Variants in PLXDC1 observed in about 807,000 individuals in gnomAD.
PLXDC1 encodes the protein plexin domain-containing protein 1.
A neutral mutation model predicts 61.3 loss-of-function variants in PLXDC1; 39 were observed. The observed-to-expected ratio is 0.64, with a 90% CI of 0.49 to 0.83. The LOEUF is 0.83. Ranked by LOEUF, PLXDC1 falls within the 40% of genes least tolerant of loss-of-function variation. The probability of loss-of-function intolerance (pLI) is 0.00; values close to 1 mark genes in which losing one functional copy is unlikely to be tolerated. For missense variants in PLXDC1, 596 were observed against 666.5 expected (o/e 0.89, Z 1.17); for synonymous variants, 212 against 254.5 (o/e 0.83, Z 1.59).
intron 7 of PLXDC1, among the ~76,000 whole-genome samples, chr17:39,090,279 A>C (rs1173956395): frequency 6.6e-6 from 1 of 152,142 alleles, no homozygotes; most frequent in Non-Finnish European, 1.5e-5. Flanking sequence ...CAGTGAAAAG[A>C]AGACTACTCT....
At chr17:39,099,424 A>C (rs1295030408) in intron 7 of PLXDC1, among the ~76,000 whole-genome samples, 1 of 152,140 alleles carries the variant, frequency 6.6e-6, no homozygotes, top group African/African-American at 2.4e-5. Context: ...GATGAAACAG[A>C]CACATCCCTG....
At chr17:39,077,845 G>A (rs1375604106) in intron 11 of PLXDC1, 68 bp downstream of exon 11, 5 of 1,544,354 alleles carry the variant, frequency 3.2e-6, no homozygotes, top group Non-Finnish European at 3.6e-6. Context: ...CAGAGAGGGG[G>A]CCCCAGAGGG....
intron 7 of PLXDC1, among the ~76,000 whole-genome samples, chr17:39,092,697 A>T (rs913122559): frequency 6.6e-6 from 1 of 151,288 alleles, no homozygotes; most frequent in African/African-American, 2.4e-5. Flanking sequence ...AAAGCCACAC[A>T]GTCTTTGTTT....
intron 2 of PLXDC1, among the ~76,000 whole-genome samples, chr17:39,126,528 A>G (rs1175216425): frequency 2.0e-5 from 3 of 152,224 alleles, no homozygotes; most frequent in Non-Finnish European, 2.9e-5. Context: ...TATGTAATAC[A>G]TACATTTAAA....
intron 2 of PLXDC1, among the ~76,000 whole-genome samples, chr17:39,120,271 C>T (rs543961433): frequency 3.2e-4 from 49 of 152,300 alleles, no homozygotes; most frequent in Non-Finnish European, 6.6e-4. Flanking sequence ...CCTGCCTCAG[C>T]CTCCCAAGTA....
intron 2 of PLXDC1, among the ~76,000 whole-genome samples, chr17:39,113,670 G>C (rs72823311): frequency 6.6e-6 from 1 of 151,998 alleles, no homozygotes. Context: ...GTGAGACCCT[G>C]TCTCTACAAA....
At position 39,100,720 on chromosome 17, in the gene PLXDC1, C is replaced by T. The variant is rs538882276; in HGVS notation, c.811+5134G>A. On this transcript the variant is annotated intron_variant, in intron 7 of 13. Transcript: ENST00000315392. Reference sequence around the variant, plus strand: ...ATACAGCTGTAGCTAACTAATGCAACCAGGTGATACGGAGATGATTTAACA... The same window carrying T: ...ATACAGCTGTAGCTAACTAATGCAATCAGGTGATACGGAGATGATTTAACA... Among the ~76,000 whole-genome samples, 184 of 152,346 alleles carry T rather than the reference C, an allele frequency of 1.2e-3. 2 individuals are homozygous for T. The highest frequency in any genetic ancestry group is 0.012 in the South Asian group (57 of 4,832).
chr17:39,073,551 C>T (rs145380988), intron 11 of PLXDC1, among the ~76,000 whole-genome samples: 1 of 152,360 alleles, frequency 6.6e-6, no homozygotes, highest in East Asian at 1.9e-4. Context: ...GCCAGTCCCT[C>T]CCAGAGTGAC....
At chr17:39,077,511 G>A (rs2083506763) in intron 11 of PLXDC1, among the ~76,000 whole-genome samples, 1 of 152,188 alleles carries the variant, frequency 6.6e-6, no homozygotes, top group East Asian at 1.9e-4. Flanking sequence ...TTTCTCTCAC[G>A]CCTGAGTGTA....
intron 2 of PLXDC1, among the ~76,000 whole-genome samples, chr17:39,110,272 C>T (rs957625301): frequency 3.6e-4 from 54 of 152,086 alleles, no homozygotes; most frequent in African/African-American, 1.3e-3. Context: ...ATACAGAACC[C>T]AGAGTCCACA....
At chr17:39,083,240 T>C (rs548797871) in intron 9 of PLXDC1, among the ~76,000 whole-genome samples, 1 of 152,286 alleles carries the variant, frequency 6.6e-6, no homozygotes, top group African/African-American at 2.4e-5. Context: ...ATGAACCCTC[T>C]CCTCCTGGGT....
intron 2 of PLXDC1, among the ~76,000 whole-genome samples, chr17:39,129,650 AG>A (rs1911473479): frequency 7.1e-6 from 1 of 140,270 alleles, no homozygotes; most frequent in Non-Finnish European, 1.6e-5. Flanking sequence ...AGAGAGAGAG[AG>A]AGAGAGAAAG....
chr17:39,092,743 G>C (rs1307447997), intron 7 of PLXDC1, among the ~76,000 whole-genome samples: 1 of 152,206 alleles, frequency 6.6e-6, no homozygotes, highest in African/African-American at 2.4e-5. Flanking sequence ...AAACCTCAGG[G>C]CTGGAAGCCA....
At chr17:39,131,245 C>T (rs781710024) in intron 2 of PLXDC1, among the ~76,000 whole-genome samples, 2 of 152,134 alleles carry the variant, frequency 1.3e-5, no homozygotes, top group East Asian at 1.9e-4. Flanking sequence ...GGACCAAGAT[C>T]GAGGGCCAGG....
chr17:39,095,649 G>A (rs1170663949), intron 7 of PLXDC1, among the ~76,000 whole-genome samples: 1 of 151,758 alleles, frequency 6.6e-6, no homozygotes, highest in Non-Finnish European at 1.5e-5. Context: ...TTTTGGCGGG[G>A]GGGTTGTTTT....
chr17:39,094,617 A>T (rs1284149834), intron 7 of PLXDC1, among the ~76,000 whole-genome samples: 1 of 152,136 alleles, frequency 6.6e-6, no homozygotes, highest in African/African-American at 2.4e-5. Context: ...CTCCGCTAAG[A>T]CAGAGTCTGC....
In PLXDC1 at chr17:39,141,348, G is replaced by C. The variant is rs187463060; in HGVS notation, c.77-1516C>G. Among the ~76,000 whole-genome samples the C allele has an allele frequency of 6.3e-3, 952 of 152,258 alleles. 6 individuals are homozygous for C. The highest frequency in any genetic ancestry group is 0.022 in the African/African-American group (910 of 41,544). On this transcript the variant is annotated intron_variant, in intron 1 of 13. Transcript: ENST00000315392. ...GCGCGCAGCCTGTATCTATGATTTT[G>C]ACTACTCTAAGTATCTCATATAAAT...
intron 2 of PLXDC1, among the ~76,000 whole-genome samples, chr17:39,111,296 T>C (rs891326886): frequency 1.3e-5 from 2 of 151,140 alleles, no homozygotes; most frequent in East Asian, 1.9e-4. Flanking sequence ...TGCCTTCTTT[T>C]ATTGTTGAGA....
chr17:39,120,651 C>A (rs1330718226), intron 2 of PLXDC1, among the ~76,000 whole-genome samples: 1 of 137,358 alleles, frequency 7.3e-6, no homozygotes, highest in Non-Finnish European at 1.5e-5. Context: ...CTTGCCTGAT[C>A]ATGGCTCACT....
Sources: gnomAD v4.1 joint callset for allele counts (sites outside exome capture counted in the v4.1 genomes callset) on GRCh38, gnomAD v4.1.1 for gene constraint, MANE v1.5 for transcripts, NCBI Gene and HGNC (gene_info 2026-07-23, HGNC 2026-07-21) for gene names.